Variants in DYNLT5 observed in about 807,000 individuals in gnomAD.
DYNLT5 encodes dynein light chain Tctex-type 5.
A neutral mutation model predicts 19.3 loss-of-function variants in DYNLT5; 25 were observed. The observed-to-expected ratio is 1.30, with a 90% confidence interval of 0.95 to 1.81. DYNLT5 has a LOEUF of 1.81. Ranked by LOEUF, DYNLT5 falls within the 40% of genes most tolerant of loss-of-function variation. DYNLT5 has a pLI of 0.00. For missense variants in DYNLT5, 232 were observed against 217.9 expected (o/e 1.06, Z -0.41); for synonymous variants, 82 against 68.9 (o/e 1.19, Z -0.94).
At position 66,762,858 on chromosome 1, in the gene DYNLT5, G is replaced by C. The variant is rs559770159; in HGVS notation, c.120-7529G>C. ...GGGGGTTAGGGGAAAAAAATAGCTA[G>C]AGGAATTTTAATGTCCCCAACACAA... On this transcript the variant is annotated intron_variant, in intron 2 of 4. Coordinates refer to ENST00000282670, the MANE Select transcript of DYNLT5 (RefSeq NM_152665.3). 5.3e-5 allele frequency among the ~76,000 whole-genome samples: 8 copies of C among 152,234 alleles called. No homozygotes were observed. In the East Asian group the frequency reaches 1.2e-3, roughly 22 times the overall value.
At position 66,752,579 on chromosome 1, in the gene DYNLT5, C is replaced by T; in HGVS notation, c.-9C>T. 1.0e-6 allele frequency: 1 copy of T among 985,524 alleles called. No individual in the cohort carries two copies. Among genetic ancestry groups the T allele is most frequent in the Non-Finnish European group, 1.2e-6 (1 of 829,976 alleles). The allele number at this position is 985,524 out of a possible 1,614,324, so 61.0% of individuals were successfully genotyped here. On this transcript the variant is annotated 5_prime_UTR_variant, in exon 1 of 5. Transcript: ENST00000282670. ...GGAGGCTCCGGGCGAAGCCTCCCTG[C>T]TGCAGGTAGGGTCGCCTCTCTCTGC...
At chr1:66,774,239 T>A (rs2150868588) in intron 3 of DYNLT5, among the ~76,000 whole-genome samples, 1 of 152,204 alleles carries the variant, frequency 6.6e-6, no homozygotes, top group East Asian at 1.9e-4. Context: ...ACATGGTAAC[T>A]TTTGCCACCA....
chr1:66,758,491 A>G (rs1055170829), intron 2 of DYNLT5, among the ~76,000 whole-genome samples: 7 of 152,170 alleles, frequency 4.6e-5, no homozygotes, highest in African/African-American at 1.7e-4. Flanking sequence ...AACCAAAATT[A>G]CAGTGATGTC....
At chr1:66,776,440 T>C (rs1468373339) in intron 4 of DYNLT5, 37 bp downstream of exon 4, 2 of 1,562,730 alleles carry the variant, frequency 1.3e-6, no homozygotes, top group African/African-American at 1.4e-5. Context: ...TAACAATAGC[T>C]AGAATATTTG....
chr1:66,777,149 C>T lies in DYNLT5; in HGVS notation c.337-102C>T, dbSNP rs547986855. The stretch of plus-strand genomic sequence containing the variant: ...ACAATCACTGAAAGTATCTACAATG[C>T]ATCATGCTATTAAATTAAATCCCTT... On this transcript the variant is annotated intron_variant, in intron 4 of 4. Coordinates refer to ENST00000282670, the MANE Select transcript of DYNLT5 (RefSeq NM_152665.3). 9 of 944,240 alleles carry T rather than the reference C, an allele frequency of 9.5e-6. No homozygotes were observed. The African/African-American group carries it at 9.9e-5, about 10-fold the overall frequency. 58.5% of individuals were successfully genotyped at this position (944,240 alleles called of 1,614,324 possible).
intron 3 of DYNLT5, among the ~76,000 whole-genome samples, chr1:66,772,196 T>C (rs1019625898): frequency 2.6e-5 from 4 of 152,220 alleles, no homozygotes; most frequent in Non-Finnish European, 4.4e-5. Context: ...AAAACAGGTT[T>C]ATTTGGCTCA....
In DYNLT5 at chr1:66,774,427, C is replaced by A. The variant is rs539484847; in HGVS notation, c.212-1852C>A. 1.3e-3 allele frequency among the ~76,000 whole-genome samples: 195 copies of A among 152,098 alleles called. 1 individual carries two copies. The highest frequency in any genetic ancestry group is 4.6e-3 in the African/African-American group (189 of 41,488). On this transcript the variant is annotated intron_variant, in intron 3 of 4. Transcript: ENST00000282670. ...ACCACTTTCTAGATTCAATCTCCAC[C>A]CCCACCCTTCCACGATTTAAGTGGA...
intron 2 of DYNLT5, among the ~76,000 whole-genome samples, chr1:66,766,252 T>C (rs1271459179): frequency 6.6e-6 from 1 of 152,152 alleles, no homozygotes; most frequent in Non-Finnish European, 1.5e-5. Context: ...CACTTTACAA[T>C]GAGATCACGT....
intron 2 of DYNLT5, among the ~76,000 whole-genome samples, chr1:66,759,463 C>T (rs572114604): frequency 6.6e-6 from 1 of 152,086 alleles, no homozygotes; most frequent in African/African-American, 2.4e-5. Flanking sequence ...TTCTGCTCAA[C>T]AAAGGATACA....
chr1:66,770,617 G>A (rs1393329464), intron 3 of DYNLT5, 139 bp downstream of exon 3: 1 of 763,402 alleles, frequency 1.3e-6, no homozygotes, highest in East Asian at 2.6e-5. Flanking sequence ...GTGATTTGAT[G>A]TTGCTTTAGT....
At chr1:66,773,287 C>T (rs1164767053) in intron 3 of DYNLT5, among the ~76,000 whole-genome samples, 1 of 151,966 alleles carries the variant, frequency 6.6e-6, no homozygotes, top group African/African-American at 2.4e-5. Context: ...ATGAAGCCAG[C>T]ACAGTAGAAA....
chr1:66,769,494 G>A (rs1184461946), intron 2 of DYNLT5, among the ~76,000 whole-genome samples: 1 of 151,672 alleles, frequency 6.6e-6, no homozygotes, highest in Non-Finnish European at 1.5e-5. Flanking sequence ...CAAAAACATA[G>A]CCTGCTTAGA....
At chr1:66,764,569 A>T (rs1364326132) in intron 2 of DYNLT5, among the ~76,000 whole-genome samples, 1 of 152,264 alleles carries the variant, frequency 6.6e-6, no homozygotes, top group Non-Finnish European at 1.5e-5. Context: ...TTACAATAAT[A>T]ACATAAAATA....
rs540528073 is a variant in DYNLT5 at position 66,777,210 on chromosome 1, A to G, written c.337-41A>G. 2.3e-4 allele frequency: 358 copies of G among 1,534,458 alleles called. 3 individuals carry two copies. The South Asian group carries it at 3.9e-3, about 17-fold the overall frequency. ...CAAAGGTTAATGCTTTTGAGTTTCAATGTAGCTGAATGAAGACCCTCCCTT... is the reference window on the plus strand; with the variant it reads ...CAAAGGTTAATGCTTTTGAGTTTCAGTGTAGCTGAATGAAGACCCTCCCTT... On this transcript the variant is annotated intron_variant, in intron 4 of 4. Coordinates refer to ENST00000282670, the MANE Select transcript of DYNLT5 (RefSeq NM_152665.3).
At chr1:66,775,127 G>A (rs998899242) in intron 3 of DYNLT5, 5 of 152,236 alleles carry the variant, frequency 3.3e-5, no homozygotes, top group African/African-American at 1.2e-4. Context: ...GCAGGAGGAA[G>A]AAGATTCATT....
At position 66,778,248 on chromosome 1, in the gene DYNLT5, T is replaced by C. The variant is rs1462282323; in HGVS notation, c.*794T>C. 1.3e-5 allele frequency: 2 copies of C among 152,672 alleles called. No individual in the cohort carries two copies. Among genetic ancestry groups the C allele is most frequent in the Admixed American group, 1.3e-4 (2 of 15,276 alleles). The allele number at this position is 152,672 out of a possible 1,614,324, so 9.5% of individuals were successfully genotyped here. The stretch of plus-strand genomic sequence containing the variant: ...CATTTATTGGAAAGAGACATTGCTT[T>C]TAAATATCCTAGGCTAACAAACTTT... On this transcript the variant is annotated 3_prime_UTR_variant, in exon 5 of 5. Transcript: ENST00000282670.
intron 2 of DYNLT5, among the ~76,000 whole-genome samples, chr1:66,758,288 T>C (rs1482219368): frequency 6.6e-6 from 1 of 152,230 alleles, no homozygotes; most frequent in African/African-American, 2.4e-5. Flanking sequence ...AGCTCAGACT[T>C]TGGCAGACAC....
At chr1:66,765,161 G>A (rs1250201860) in intron 2 of DYNLT5, among the ~76,000 whole-genome samples, 32 of 152,090 alleles carry the variant, frequency 2.1e-4, no homozygotes, top group Non-Finnish European at 1.5e-5. Flanking sequence ...GTTTTTCTCT[G>A]TGCACTCTGA....
intron 2 of DYNLT5, among the ~76,000 whole-genome samples, chr1:66,769,650 T>A (rs1269537201): frequency 6.6e-6 from 1 of 152,072 alleles, no homozygotes; most frequent in Non-Finnish European, 1.5e-5. Flanking sequence ...TCTGAGACTG[T>A]CATTAGTTAC....
Sources: gnomAD v4.1 joint callset for allele counts (sites outside exome capture counted in the v4.1 genomes callset) on GRCh38, gnomAD v4.1.1 for gene constraint, MANE v1.5 for transcripts, NCBI Gene and HGNC (gene_info 2026-07-23, HGNC 2026-07-21) for gene names.